The following GDI2 variants were observed in gnomAD, a reference collection of about 807,000 sequenced individuals.
The protein encoded by GDI2 is GDP dissociation inhibitor 2.
Under a neutral mutation model 54.2 loss-of-function variants are expected in GDI2, and 22 were observed. The ratio of observed to expected loss-of-function variants is 0.41; its 90% CI spans 0.29 to 0.58. GDI2 has a LOEUF of 0.58. Among genes scored for constraint, GDI2 ranks in the 20% least tolerant of loss-of-function variants. The probability of loss-of-function intolerance (pLI) is 0.35; values close to 1 mark genes in which losing one functional copy is unlikely to be tolerated. For synonymous variants in GDI2, 177 were observed against 182.1 expected, an observed-to-expected ratio of 0.97 and a Z score of 0.23; for missense variants, 422 against 546.0, an observed-to-expected ratio of 0.77 and a Z score of 2.26.
rs949995921 is a variant in GDI2, at chr10:5,774,292, G to A, written c.720-351C>T. ...GCCTCAGTCTCTCCTTCTACCTTAT[G>A]CCCCTTGGTCATTCTTTCTTCTGAG... On this transcript the variant is annotated intron_variant, in intron 6 of 10. Transcript: ENST00000380191. The surrounding 1 kb of genome is among the most constrained non-coding windows in gnomAD (Gnocchi z 4.8). Among the ~76,000 whole-genome samples the A allele has an allele frequency of 5.3e-5, 8 of 151,862 alleles. No individual in the cohort carries two copies. Among genetic ancestry groups the A allele is most frequent in the African/African-American group, 1.9e-4 (8 of 41,290 alleles).
chr10:5,798,238 C>A (rs1411720762), intron 2 of GDI2, among the ~76,000 whole-genome samples: 1 of 152,200 alleles, frequency 6.6e-6, no homozygotes, highest in Non-Finnish European at 1.5e-5. Context: ...CACTTGAGCT[C>A]ATGAATCCTA....
chr10:5,805,365 A>T (rs1182378129), intron 1 of GDI2, among the ~76,000 whole-genome samples: 18 of 3,124 alleles, frequency 5.8e-3, no homozygotes, highest in East Asian at 0.25. Context: ...TTGCTCTTTA[A>T]AAAAAAAAAA....
rs1420927549 is a variant in GDI2, at chr10:5,794,185, AAAAATATATATATATATATATATATATAT to A, written c.388+671_388+699del. 3.8e-4 allele frequency among the ~76,000 whole-genome samples: 18 copies of A among 46,870 alleles called. 1 individual carries two copies. The highest frequency in any genetic ancestry group is 1.6e-3 in the Admixed American group (5 of 3,106). 30.7% of individuals were successfully genotyped at this position (46,870 alleles called of 152,430 possible). A position where few individuals can be genotyped will look rare whatever the true frequency, so the allele number is the denominator to read the frequency against. On this transcript the variant is annotated intron_variant, in intron 4 of 10. Coordinates refer to ENST00000380191, the MANE Select transcript of GDI2 (RefSeq NM_001494.4). Reference sequence around the variant, plus strand: ...CTGTCTTTAAAAGAAAAAAAAAAAAAAAAATATATATATATATATATATATATATATATATATATATATATATAAAACTC... The same window carrying A: ...CTGTCTTTAAAAGAAAAAAAAAAAAAATATATATATATATATATAAAACTC...
At chr10:5,787,721 G>C (rs1564393916) in intron 4 of GDI2, among the ~76,000 whole-genome samples, 1 of 152,196 alleles carries the variant, frequency 6.6e-6, no homozygotes, top group Non-Finnish European at 1.5e-5. Context: ...AAGGAAACAT[G>C]AATCACTATT....
chr10:5,772,706 G>A (rs1307329834), intron 7 of GDI2, among the ~76,000 whole-genome samples: 1 of 152,062 alleles, frequency 6.6e-6, no homozygotes, highest in Non-Finnish European at 1.5e-5. Flanking sequence ...GAAGTGAGCT[G>A]AGATCACGCC....
At chr10:5,785,004 A>G (rs1176411971) in intron 6 of GDI2, 138 bp downstream of exon 6, 2 of 532,154 alleles carry the variant, frequency 3.8e-6, no homozygotes, top group Admixed American at 6.6e-5. Context: ...ATTATATGTT[A>G]ATTTTATTTC....
chr10:5,800,364 C>A (rs1393585715), intron 2 of GDI2, among the ~76,000 whole-genome samples: 1 of 152,184 alleles, frequency 6.6e-6, no homozygotes, highest in Non-Finnish European at 1.5e-5. Context: ...CGATCCTCTA[C>A]CCTCCCTTCC....
chr10:5,791,931 G>A (rs964192609), intron 4 of GDI2, among the ~76,000 whole-genome samples: 9 of 151,932 alleles, frequency 5.9e-5, no homozygotes, highest in Non-Finnish European at 1.2e-4. Flanking sequence ...CACTGAATGA[G>A]CAGAAAACAT....
intron 1 of GDI2, among the ~76,000 whole-genome samples, chr10:5,805,707 T>C (rs1219083653): frequency 1.3e-5 from 2 of 152,242 alleles, no homozygotes; most frequent in Non-Finnish European, 2.9e-5. Flanking sequence ...CTGATGATGC[T>C]GGTCCAGGAC....
chr10:5,795,603 G>A (rs1841128705), intron 3 of GDI2, among the ~76,000 whole-genome samples: 1 of 152,006 alleles, frequency 6.6e-6, no homozygotes, highest in Admixed American at 6.6e-5. Context: ...CAAAAGCAAT[G>A]AAAAATTTAT....
rs781104500 is a variant in GDI2, at chr10:5,796,807, C to T, written c.209G>A (p.Arg70Lys). 3 of 1,594,098 alleles carry T rather than the reference C, an allele frequency of 1.9e-6. No homozygotes were observed. The highest frequency in any genetic ancestry group is 1.1e-5 in the South Asian group (1 of 90,578). Residue 70 changes from arginine (R) to lysine (K), a missense_variant, in exon 3 of 11, where the codon AGA becomes AAA. Transcript: ENST00000380191. ...GSPPESMGRGRDWNVDLIPKF... is the reference protein window; with the variant it reads ...GSPPESMGRGKDWNVDLIPKF... ...GGGAATCAAGTCAACATTCCAGTCT[C>T]TTCCTCTCCCCATTGACTCGGGTGG...
At chr10:5,796,545 T>G (rs1332517392) in intron 3 of GDI2, among the ~76,000 whole-genome samples, 1 of 152,172 alleles carries the variant, frequency 6.6e-6, no homozygotes, top group African/African-American at 2.4e-5. Context: ...CACAGCATCA[T>G]TTGTTTCTCC....
In GDI2 at chr10:5,766,340, G is replaced by T; in HGVS notation, c.1137-45C>A. On this transcript the variant is annotated intron_variant, in intron 9 of 10. Transcript: ENST00000380191. This position sits in a 1 kb window ranked among gnomAD's most constrained non-coding sequence, Gnocchi z 5.8. ...AGTCAGGTGAGCTGGTCCCACACCT[G>T]ACCATGGCTCTGCCTGAGGTCAACT... The T allele has an allele frequency of 1.3e-6, 2 of 1,544,710 alleles. No individual in the cohort carries two copies. The highest frequency in any genetic ancestry group is 1.4e-5 in the African/African-American group (1 of 73,678).
At chr10:5,770,986 A>T (rs1194259102) in intron 7 of GDI2, among the ~76,000 whole-genome samples, 2 of 149,500 alleles carry the variant, frequency 1.3e-5, no homozygotes, top group Admixed American at 1.4e-4. Flanking sequence ...AAAAAAAAAA[A>T]AGATGGTAAA....
chr10:5,810,934 C>G (rs1031049153), intron 1 of GDI2, among the ~76,000 whole-genome samples: 33 of 152,318 alleles, frequency 2.2e-4, no homozygotes, highest in African/African-American at 7.5e-4. Context: ...AACTCCAGCA[C>G]TTCCTTACAC....
chr10:5,779,866 G>A (rs1044742062), intron 6 of GDI2, among the ~76,000 whole-genome samples: 1 of 151,738 alleles, frequency 6.6e-6, no homozygotes, highest in Non-Finnish European at 1.5e-5. Context: ...CTAATTTTTT[G>A]TGTTTTTCTA....
intron 1 of GDI2, among the ~76,000 whole-genome samples, chr10:5,812,770 A>C (rs1436430062): frequency 6.6e-6 from 1 of 152,184 alleles, no homozygotes; most frequent in African/African-American, 2.4e-5. Flanking sequence ...AGCCAGACTG[A>C]CCCGGGGCAG....
rs560082890 is a variant in GDI2, at chr10:5,784,837, G to A, written c.719+305C>T. ...ACTTACTCTGGTGGAGGTAACAGGGGTGTGAAGTAGATTCTGTGAAGGTCC... is the reference window on the plus strand; with the variant it reads ...ACTTACTCTGGTGGAGGTAACAGGGATGTGAAGTAGATTCTGTGAAGGTCC... On this transcript the variant is annotated intron_variant, in intron 6 of 10. Transcript: ENST00000380191. 3.3e-5 allele frequency among the ~76,000 whole-genome samples: 5 copies of A among 152,334 alleles called. No individual in the cohort carries two copies. The South Asian group carries it at 8.3e-4, about 25-fold the overall frequency.
chr10:5,798,462 G>A (rs1841195197), intron 2 of GDI2, among the ~76,000 whole-genome samples: 1 of 151,744 alleles, frequency 6.6e-6, no homozygotes, highest in Non-Finnish European at 1.5e-5. Context: ...GATGATGTAC[G>A]CCTGTAATTC....
Sources: allele counts gnomAD v4.1 joint callset (sites outside exome capture counted in the v4.1 genomes callset), GRCh38; gene constraint gnomAD v4.1.1; non-coding constraint Gnocchi (gnomAD v3.1); transcripts MANE v1.5; gene names NCBI Gene and HGNC (gene_info 2026-07-23, HGNC 2026-07-21).